Variants in BBS9 observed in about 807,000 individuals in gnomAD.
BBS9 encodes the protein Bardet-Biedl syndrome 9.
Under a neutral mutation model 117.7 loss-of-function variants are expected in BBS9, and 89 were observed. The ratio of observed to expected loss-of-function variants is 0.76; its 90% CI spans 0.64 to 0.90. The LOEUF is 0.90. BBS9 is among the 40% of genes least tolerant of loss of function. BBS9 has a pLI of 0.00. For synonymous variants in BBS9, 379 were observed against 370.9 expected (o/e 1.02, Z -0.25); for missense variants, 982 against 1,042.2 (o/e 0.94, Z 0.80).
rs1864457791 is a variant in BBS9 at position 33,605,410 on chromosome 7, TG to T, written c.*188del. Reference sequence around the variant, plus strand: ...TTCACTAGGAGAACTTGTAACACCATGGGGAAGTCAGCTGAAACTTGTCTTG... The same window carrying T: ...TTCACTAGGAGAACTTGTAACACCATGGGAAGTCAGCTGAAACTTGTCTTG... On this transcript the variant is annotated 3_prime_UTR_variant, in exon 23 of 23. Coordinates refer to ENST00000242067, the MANE Select transcript of BBS9 (RefSeq NM_198428.3). 4.5e-6 allele frequency: 3 copies of T among 664,632 alleles called. No homozygotes were observed. Among genetic ancestry groups the T allele is most frequent in the East Asian group, 5.5e-5 (2 of 36,652 alleles). 41.2% of individuals were successfully genotyped at this position (664,632 alleles called of 1,614,324 possible). A position where few individuals can be genotyped will look rare whatever the true frequency, so the allele number is the denominator to read the frequency against.
At chr7:33,598,152 C>T (rs975252803) in intron 21 of BBS9, among the ~76,000 whole-genome samples, 8 of 151,634 alleles carry the variant, frequency 5.3e-5, no homozygotes, top group Non-Finnish European at 1.2e-4. Flanking sequence ...TCACTCCCCA[C>T]TTGGCTTCAC....
chr7:33,167,084 T>C (rs114267464), intron 4 of BBS9, among the ~76,000 whole-genome samples: 2,046 of 152,334 alleles, frequency 0.013, 55 homozygotes, highest in African/African-American at 0.047. Flanking sequence ...GAGCTTTTAA[T>C]AACAAAAGCT....
intron 20 of BBS9, among the ~76,000 whole-genome samples, chr7:33,513,613 A>G (rs2129029590): frequency 6.6e-6 from 1 of 152,276 alleles, no homozygotes; most frequent in Non-Finnish European, 1.5e-5. Flanking sequence ...AAGATACCTC[A>G]AATATTTTTG....
In BBS9 at chr7:33,177,548, A is replaced by G; in HGVS notation, c.399A>G (p.Arg133=). The change falls in exon 5 of 23, where the codon AGA becomes AGG. Residue 133 remains arginine (R), a synonymous_variant. Transcript: ENST00000242067. Reference sequence around the variant, plus strand: ...TGATGTATGAACATAATCTTCAGAGAACAGCCTGCAATATGACCTATGGAT... The same window carrying G: ...TGATGTATGAACATAATCTTCAGAGGACAGCCTGCAATATGACCTATGGAT... The part of the protein sequence containing the change: ...MKLMYEHNLQ[R]TACNMTYGSF... 6.2e-7 allele frequency: 1 copy of G among 1,613,698 alleles called. No homozygotes were observed. Among genetic ancestry groups the G allele is most frequent in the Non-Finnish European group, 8.5e-7 (1 of 1,179,828 alleles).
At chr7:33,464,858 C>T (rs1410186052) in intron 19 of BBS9, among the ~76,000 whole-genome samples, 3 of 151,890 alleles carry the variant, frequency 2.0e-5, no homozygotes, top group South Asian at 2.1e-4. Flanking sequence ...TAAGGTCTTC[C>T]ACTGTCACCC....
downstream of BBS9, among the ~76,000 whole-genome samples, chr7:33,609,936 T>A (rs1347179726): frequency 1.3e-5 from 2 of 152,038 alleles, no homozygotes; most frequent in African/African-American, 4.8e-5. Flanking sequence ...CAACTCAACT[T>A]CCCTTTAGCC....
chr7:33,623,314 G>A (rs1348479425), intron 21 of BBS9, among the ~76,000 whole-genome samples: 1 of 152,004 alleles, frequency 6.6e-6, no homozygotes, highest in Non-Finnish European at 1.5e-5. Flanking sequence ...AGTAATTGAG[G>A]AAATGCAAAT....
Position 33,405,301 on chromosome 7 carries a change from TTC to T in BBS9, c.2115+17161_2115+17162del, listed in dbSNP as rs1267035630. Reference sequence around the variant, plus strand: ...GTTCATCAAGGATATTGGTCTAAAATTCTCTTTTTTGGTTGTGTCTCTGCCCG... The same window carrying T: ...GTTCATCAAGGATATTGGTCTAAAATTCTTTTTTGGTTGTGTCTCTGCCCG... On this transcript the variant is annotated intron_variant, in intron 19 of 22. Coordinates refer to ENST00000242067, the MANE Select transcript of BBS9 (RefSeq NM_198428.3). Among the ~76,000 whole-genome samples, 3 of 152,192 alleles carry T rather than the reference TTC, an allele frequency of 2.0e-5. No individual in the cohort carries two copies. The East Asian group carries it at 5.8e-4, about 29-fold the overall frequency.
At chr7:33,347,453 C>T (rs1215695860) in intron 12 of BBS9, among the ~76,000 whole-genome samples, 1 of 151,850 alleles carries the variant, frequency 6.6e-6, no homozygotes, top group Non-Finnish European at 1.5e-5. Context: ...TTTACAATGG[C>T]CAGACATCAT....
rs981877241 is a variant in BBS9 at position 33,253,325 on chromosome 7, A to G, written c.443-3911A>G. Among the ~76,000 whole-genome samples the G allele has an allele frequency of 2.5e-4, 38 of 152,180 alleles. 2 individuals are homozygous for G. The highest frequency in any genetic ancestry group is 1.5e-5 in the Non-Finnish European group (1 of 68,036). Reference sequence around the variant, plus strand: ...CTTAATGATGGCTTAAATAAGAAAGATGTTTGGCCGGGCGCAGTGGCTTAA... The same window carrying G: ...CTTAATGATGGCTTAAATAAGAAAGGTGTTTGGCCGGGCGCAGTGGCTTAA... On this transcript the variant is annotated intron_variant, in intron 5 of 22. Transcript: ENST00000242067.
intron 21 of BBS9, among the ~76,000 whole-genome samples, chr7:33,535,175 T>C (rs549468090): frequency 1.3e-5 from 2 of 152,196 alleles, no homozygotes; most frequent in South Asian, 2.1e-4. Context: ...CTGCCTCTTT[T>C]TATCCATTAC....
At chr7:33,248,355 TA>T (rs1795699288) in intron 5 of BBS9, among the ~76,000 whole-genome samples, 1 of 152,214 alleles carries the variant, frequency 6.6e-6, no homozygotes, top group Admixed American at 6.5e-5. Flanking sequence ...TATTAGGCAC[TA>T]ATTATCTTTA....
chr7:33,614,854 T>C (rs990418381), intron 21 of BBS9, among the ~76,000 whole-genome samples: 5 of 152,070 alleles, frequency 3.3e-5, no homozygotes, highest in Non-Finnish European at 7.4e-5. Flanking sequence ...TTTTGAAATA[T>C]GCCAGAGCAT....
At chr7:33,151,080 C>T (rs189604377) in intron 2 of BBS9, among the ~76,000 whole-genome samples, 8 of 152,230 alleles carry the variant, frequency 5.3e-5, no homozygotes, top group Admixed American at 5.2e-4. Flanking sequence ...GGCAAAACCA[C>T]ATCCCTACAA....
intron 19 of BBS9, among the ~76,000 whole-genome samples, chr7:33,397,766 A>T (rs1426286281): frequency 2.0e-5 from 3 of 152,172 alleles, no homozygotes; most frequent in Non-Finnish European, 4.4e-5. Context: ...GAGCTGAATG[A>T]TGAGAACACA....
intron 5 of BBS9, among the ~76,000 whole-genome samples, chr7:33,245,209 G>T (rs1319397265): frequency 6.6e-6 from 1 of 151,018 alleles, no homozygotes; most frequent in South Asian, 2.1e-4. Context: ...TATTTTCCTT[G>T]TAGAGTTCTC....
At chr7:33,632,681 C>G (rs1250514866) in intron 21 of BBS9, among the ~76,000 whole-genome samples, 1 of 152,106 alleles carries the variant, frequency 6.6e-6, no homozygotes, top group East Asian at 1.9e-4. Context: ...CACCTCCCGT[C>G]CCACCCCTCC....
At chr7:33,542,182 T>A (rs2129072253) in intron 21 of BBS9, among the ~76,000 whole-genome samples, 2 of 152,186 alleles carry the variant, frequency 1.3e-5, no homozygotes, top group Middle Eastern at 6.8e-3. Flanking sequence ...CCTCCTGGAT[T>A]CAAGCAGTTC....
intron 21 of BBS9, among the ~76,000 whole-genome samples, chr7:33,569,407 G>GTGTGTGTATATATATATA: frequency 6.7e-6 from 1 of 149,614 alleles, no homozygotes; most frequent in East Asian, 2.0e-4. Flanking sequence ...ATACAGATGT[G>GTGTGTGTATATATATATA]TATATATATA....
Sources: gnomAD v4.1 joint callset for allele counts (sites outside exome capture counted in the v4.1 genomes callset) on GRCh38, gnomAD v4.1.1 for gene constraint, MANE v1.5 for transcripts, NCBI Gene and HGNC (gene_info 2026-07-23, HGNC 2026-07-21) for gene names.